The following CLASP2 variants were observed in gnomAD, a reference collection of about 807,000 sequenced individuals.
CLASP2 encodes cytoplasmic linker associated protein 2.
In CLASP2, 47 loss-of-function variants were observed where a neutral mutation model predicts 194.4. The ratio of observed to expected loss-of-function variants is 0.24; its 90% CI spans 0.19 to 0.31. CLASP2 has a LOEUF of 0.31. Ranked by LOEUF, CLASP2 falls within the 10% of genes least tolerant of loss-of-function variation. The pLI, the probability that CLASP2 is intolerant of heterozygous loss-of-function variation, is 1.00. For synonymous variants in CLASP2, 619 were observed against 633.5 expected (o/e 0.98, Z 0.34); for missense variants, 1,445 against 1,823.6 (o/e 0.79, Z 3.78).
chr3:33,506,523 G>A (rs2154080200), intron 37 of CLASP2, among the ~76,000 whole-genome samples: 1 of 151,108 alleles, frequency 6.6e-6, no homozygotes, highest in Non-Finnish European at 1.5e-5. Context: ...TAAGTTTTTG[G>A]TTAGATCCTA....
chr3:33,503,540 G>C (rs2047332991), intron 37 of CLASP2: 1 of 151,410 alleles, frequency 6.6e-6, no homozygotes, highest in Non-Finnish European at 1.5e-5. Flanking sequence ...CAATTCTCCT[G>C]CCTCGGTCTC....
chr3:33,626,177 C>T (rs957520533), intron 10 of CLASP2, among the ~76,000 whole-genome samples: 1 of 151,984 alleles, frequency 6.6e-6, no homozygotes, highest in African/African-American at 2.4e-5. Context: ...CAAAAATGGT[C>T]CTTTGTTCAT....
At chr3:33,700,334 C>G (rs907204284) in intron 1 of CLASP2, among the ~76,000 whole-genome samples, 1 of 150,916 alleles carries the variant, frequency 6.6e-6, no homozygotes, top group Non-Finnish European at 1.5e-5. Flanking sequence ...GGCTGAGGCA[C>G]GAGAATCATC....
intron 33 of CLASP2, 92 bp from the exon 34 acceptor site, chr3:33,535,553 G>C: frequency 2.0e-6 from 2 of 990,726 alleles, no homozygotes; most frequent in Non-Finnish European, 2.9e-6. Flanking sequence ...CTGCTTAAAA[G>C]ACAATTTTAA....
chr3:33,518,657 T>C (rs1363094088), intron 34 of CLASP2, among the ~76,000 whole-genome samples: 2 of 152,266 alleles, frequency 1.3e-5, no homozygotes, highest in African/African-American at 2.4e-5. Flanking sequence ...AGGATCATTC[T>C]AAGAGTGTCT....
At chr3:33,612,623 T>G (rs867622483) in intron 12 of CLASP2, among the ~76,000 whole-genome samples, 1 of 152,216 alleles carries the variant, frequency 6.6e-6, no homozygotes, top group Non-Finnish European at 1.5e-5. Context: ...TGCCCTTCTT[T>G]AGTGAAGCAA....
intron 34 of CLASP2, among the ~76,000 whole-genome samples, chr3:33,521,883 C>G (rs1010428668): frequency 7.1e-6 from 1 of 140,218 alleles, no homozygotes; most frequent in Non-Finnish European, 1.6e-5. Context: ...ACCCACTCCC[C>G]CCTCCACCAG....
rs527643579 is a variant in CLASP2, at chr3:33,688,910, G to C, written c.379-542C>G. On this transcript the variant is annotated intron_variant, in intron 3 of 38. Transcript: ENST00000682230. ...ACACTTTTCTGTTAGAAAAAGCATA[G>C]ATAAACCTATACAAATAATCTAAAC... 4.6e-4 allele frequency among the ~76,000 whole-genome samples: 70 copies of C among 152,088 alleles called. No individual in the cohort carries two copies. In the Middle Eastern group the frequency reaches 0.017, roughly 37 times the overall value.
intron 37 of CLASP2, among the ~76,000 whole-genome samples, chr3:33,508,353 T>TG (rs1485567396): frequency 6.6e-6 from 1 of 151,464 alleles, no homozygotes; most frequent in Non-Finnish European, 1.5e-5. Flanking sequence ...TGTTTGGAGA[T>TG]GGAGTCTCAC....
chr3:33,542,302 CTTA>C (rs1559939521), intron 32 of CLASP2, among the ~76,000 whole-genome samples: 1 of 148,694 alleles, frequency 6.7e-6, no homozygotes, highest in East Asian at 2.0e-4. Context: ...TCACTATTTA[CTTA>C]TTATATATGT....
intron 1 of CLASP2, among the ~76,000 whole-genome samples, chr3:33,703,377 T>C (rs916984781): frequency 1.3e-5 from 2 of 152,128 alleles, no homozygotes; most frequent in Non-Finnish European, 1.5e-5. Flanking sequence ...CGTATGTCAT[T>C]AGGAATTGCA....
rs1180832166 is a variant in CLASP2 at position 33,497,819 on chromosome 3, A to G, written c.*812T>C. On this transcript the variant is annotated 3_prime_UTR_variant, in exon 39 of 39. Transcript: ENST00000682230. ...TGAATTTGATATTAATAAATACAAAAAAGCATCATTCACAACAAAGATATA... is the reference window on the plus strand; with the variant it reads ...TGAATTTGATATTAATAAATACAAAGAAGCATCATTCACAACAAAGATATA... 1 of 152,612 alleles carries G rather than the reference A, an allele frequency of 6.6e-6. No individual in the cohort carries two copies. Among genetic ancestry groups the G allele is most frequent in the Admixed American group, 6.5e-5 (1 of 15,286 alleles). 9.5% of individuals were successfully genotyped at this position (152,612 alleles called of 1,614,324 possible). A position where few individuals can be genotyped will look rare whatever the true frequency, so the allele number is the denominator to read the frequency against.
At chr3:33,559,724 G>A (rs1283471780) in intron 28 of CLASP2, among the ~76,000 whole-genome samples, 20 of 151,990 alleles carry the variant, frequency 1.3e-4, no homozygotes, top group Admixed American at 1.2e-3. Context: ...GAGAAACCCC[G>A]TCTCTATTAA....
Position 33,560,845 on chromosome 3 carries a change from C to T in CLASP2, c.2893G>A (p.Val965Ile), listed in dbSNP as rs773294266. Residue 965 changes from valine to isoleucine, a missense_variant, in exon 28 of 39, where the codon GTT becomes ATT. Around this residue, in one of 4 missense-constraint regions of CLASP2, gnomAD observed 732 missense variants for 987.9 expected, o/e 0.74. Coordinates refer to ENST00000682230, the MANE Select transcript of CLASP2 (RefSeq NM_001365631.1). Reference protein sequence around the residue: ...KKMGADLLGSVQAKVQKALDV... With the variant: ...KKMGADLLGSIQAKVQKALDV... ...AGGGCTTTCTGAACTTTTGCCTGAA[C>T]AGATCCAAGCAAATCAGCACCCATT... is the stretch of plus-strand genomic sequence containing the variant. 2.5e-6 allele frequency: 4 copies of T among 1,613,756 alleles called. No homozygotes were observed. In the East Asian group the frequency reaches 8.9e-5, roughly 36 times the overall value.
At chr3:33,504,706 C>CT (rs910118974) in intron 37 of CLASP2, 4 of 152,228 alleles carry the variant, frequency 2.6e-5, no homozygotes, top group Non-Finnish European at 5.9e-5. Context: ...CAGGATGAAA[C>CT]TGTTCCACCT....
At chr3:33,516,941 C>T (rs2051503298) in intron 35 of CLASP2, 40 bp downstream of exon 35, 1 of 1,526,056 alleles carries the variant, frequency 6.6e-7, no homozygotes. Flanking sequence ...GTAAAAGAGA[C>T]AGGAAGGAAA....
intron 6 of CLASP2, 81 bp downstream of exon 6, chr3:33,684,278 C>A (rs986201939): frequency 1.0e-4 from 71 of 711,044 alleles, no homozygotes; most frequent in Non-Finnish European, 1.5e-4. Context: ...ATAAAAAATA[C>A]ATTGAAATAC....
intron 7 of CLASP2, among the ~76,000 whole-genome samples, chr3:33,662,692 A>G (rs180993305): frequency 6.6e-6 from 1 of 152,320 alleles, no homozygotes; most frequent in East Asian, 1.9e-4. Flanking sequence ...CATCATTTAT[A>G]TTACTAAACT....
At position 33,543,538 on chromosome 3, in the gene CLASP2, C is replaced by T; in HGVS notation, c.3299G>A (p.Ser1100Asn). The T allele has an allele frequency of 1.9e-6, 3 of 1,592,220 alleles. No individual in the cohort carries two copies. The highest frequency in any genetic ancestry group is 2.6e-6 in the Non-Finnish European group (3 of 1,160,232). Residue 1100 changes from serine (S) to asparagine (N), a missense_variant and splice_region_variant, in exon 32 of 39, where the codon AGT (serine) becomes AAT (asparagine). This residue lies in a region of CLASP2 where 732 missense variants were observed against 987.9 expected (regional missense o/e 0.74). Transcript: ENST00000682230. ...TCTTGTCAAAGGACTCCCCATGGAACTCTGATGAAGGGAGTCAAAGAAATA... is the reference window on the plus strand; with the variant it reads ...TCTTGTCAAAGGACTCCCCATGGAATTCTGATGAAGGGAGTCAAAGAAATA... ...HLRNTGNGTQ[S>N]SMGSPLTRPT... is the part of the protein sequence containing the mutation.
Sources: allele counts gnomAD v4.1 joint callset (sites outside exome capture counted in the v4.1 genomes callset), GRCh38; gene constraint gnomAD v4.1.1; regional missense constraint gnomAD v4.1.1; transcripts MANE v1.5; gene names NCBI Gene and HGNC (gene_info 2026-07-23, HGNC 2026-07-21).